RANBP2: variants seen among roughly 807,000 people sequenced by gnomAD.
RANBP2 encodes the protein RAN binding protein 2, also known as E3 SUMO-protein ligase RanBP2.
In RANBP2, 57 loss-of-function variants were observed where a neutral mutation model predicts 303.6. The ratio of observed to expected loss-of-function variants is 0.19; its 90% confidence interval spans 0.15 to 0.23. The LOEUF (loss-of-function observed/expected upper bound fraction) is 0.23, where lower values mean the gene tolerates loss of function less well. Ranked by LOEUF, RANBP2 falls within the 10% of genes least tolerant of loss-of-function variation. RANBP2 has a pLI of 1.00. For synonymous variants in RANBP2, 1,167 were observed against 1,301.5 expected, an observed-to-expected ratio of 0.90 and a Z score of 2.23; for missense variants, 3,138 against 3,780.8, an observed-to-expected ratio of 0.83 and a Z score of 4.46.
chr2:109,099,761 T>G, the RANBP2 span, among the ~76,000 whole-genome samples: 1 of 152,142 alleles, frequency 6.6e-6, no homozygotes, highest in Admixed American at 6.5e-5. Flanking sequence ...TTTGCATACT[T>G]TTTCTTTTCT....
At chr2:109,499,134 C>T in the RANBP2 span, among the ~76,000 whole-genome samples, 10 of 152,230 alleles carry the variant, frequency 6.6e-5, no homozygotes, top group African/African-American at 9.6e-5. Flanking sequence ...AGTGGGCAGC[C>T]GCCAGGACCA....
At chr2:109,360,054 T>G in the RANBP2 span, among the ~76,000 whole-genome samples, 1 of 134,954 alleles carries the variant, frequency 7.4e-6, no homozygotes, top group South Asian at 2.6e-4. Flanking sequence ...TTCTGATGTT[T>G]CCTTGCACCA....
At chr2:108,897,316 A>C in the RANBP2 span, 1 of 1,328,868 alleles carries the variant, frequency 7.5e-7, no homozygotes, top group South Asian at 1.4e-5. Context: ...TGAAATAAAA[A>C]TTATTTGAAA....
the RANBP2 span, among the ~76,000 whole-genome samples, chr2:109,006,314 CT>C: frequency 6.6e-6 from 1 of 152,274 alleles, no homozygotes; most frequent in South Asian, 2.1e-4. Context: ...CTGCCTCAGC[CT>C]CCCAAGTAGC....
At chr2:109,285,565 G>A in the RANBP2 span, among the ~76,000 whole-genome samples, 4 of 152,160 alleles carry the variant, frequency 2.6e-5, no homozygotes, top group Non-Finnish European at 4.4e-5. Context: ...CAGAGGCTGA[G>A]GTGGTGCGTC....
At chr2:109,292,439 T>C in the RANBP2 span, among the ~76,000 whole-genome samples, 48 of 152,356 alleles carry the variant, frequency 3.2e-4, no homozygotes, top group Non-Finnish European at 5.7e-4. Flanking sequence ...TACACTAAAA[T>C]GTTCTCAAAA....
the RANBP2 span, among the ~76,000 whole-genome samples, chr2:109,433,130 G>GGA: frequency 4.6e-5 from 7 of 152,268 alleles, no homozygotes; most frequent in African/African-American, 1.7e-4. Context: ...TATGCATACT[G>GGA]TAAGCACAAG....
chr2:109,309,920 T>C, the RANBP2 span, among the ~76,000 whole-genome samples: 1 of 121,846 alleles, frequency 8.2e-6, no homozygotes, highest in African/African-American at 4.2e-5. Context: ...CTGTCAACAT[T>C]AGACAGATCA....
At chr2:109,022,520 A>G in the RANBP2 span, among the ~76,000 whole-genome samples, 1 of 152,230 alleles carries the variant, frequency 6.6e-6, no homozygotes, top group Non-Finnish European at 1.5e-5. Flanking sequence ...CAAACACTGC[A>G]TTTCTCAATT....
the RANBP2 span, among the ~76,000 whole-genome samples, chr2:108,848,299 GCTCT>G: frequency 4.6e-5 from 7 of 152,140 alleles, no homozygotes; most frequent in African/African-American, 1.7e-4. Context: ...GGAATTAGGT[GCTCT>G]CTGTCACCAC....
chr2:109,475,472 T>C, the RANBP2 span, among the ~76,000 whole-genome samples: 1 of 152,176 alleles, frequency 6.6e-6, no homozygotes. Flanking sequence ...GAGGAATGGG[T>C]CGAGAGGCAG....
the RANBP2 span, among the ~76,000 whole-genome samples, chr2:108,951,672 A>G: frequency 6.6e-6 from 1 of 152,060 alleles, no homozygotes; most frequent in Non-Finnish European, 1.5e-5. Flanking sequence ...AAAGCCTGCA[A>G]TTTCTTTAAC....
intron 6 of RANBP2, among the ~76,000 whole-genome samples, chr2:108,737,561 T>C (rs1573722047): frequency 6.7e-6 from 1 of 148,954 alleles, no homozygotes; most frequent in Non-Finnish European, 1.5e-5. Context: ...CTTTTTTTTT[T>C]TTTTTTTTGA....
At chr2:108,723,933 G>T (rs1163558735) in intron 1 of RANBP2, among the ~76,000 whole-genome samples, 2 of 152,064 alleles carry the variant, frequency 1.3e-5, no homozygotes, top group African/African-American at 2.4e-5. Flanking sequence ...TGTCTACCTG[G>T]AATACCCTTA....
chr2:109,368,052 A>G, the RANBP2 span, among the ~76,000 whole-genome samples: 1 of 152,246 alleles, frequency 6.6e-6, no homozygotes, highest in East Asian at 1.9e-4. Context: ...AATATTAGCC[A>G]GGTATGCCAT....
chr2:109,687,568 A>G, the RANBP2 span, among the ~76,000 whole-genome samples: 1 of 152,058 alleles, frequency 6.6e-6, no homozygotes, highest in Non-Finnish European at 1.5e-5. Flanking sequence ...CAGCTGTGGG[A>G]AACCTGGCTC....
At chr2:109,794,614 G>GGGCGGCGGCGGCGGCGGCGGC in the RANBP2 span, 1 of 72,260 alleles carries the variant, frequency 1.4e-5, no homozygotes, top group African/African-American at 1.1e-4. Context: ...GCGGCGGGGG[G>GGGCGGCGGCGGCGGCGGCGGC]GGCGGCGGCG....
chr2:108,865,571 A>G, the RANBP2 span, among the ~76,000 whole-genome samples: 2 of 152,348 alleles, frequency 1.3e-5, no homozygotes, highest in South Asian at 4.1e-4. Context: ...CAGCCCTGAC[A>G]GAAATTCTGG....
the RANBP2 span, among the ~76,000 whole-genome samples, chr2:109,634,746 A>C: frequency 6.6e-6 from 1 of 152,262 alleles, no homozygotes; most frequent in Non-Finnish European, 1.5e-5. Flanking sequence ...AAAAAGTAAG[A>C]GAGAACTAAC....
Sources: gnomAD v4.1 joint callset for allele counts (sites outside exome capture counted in the v4.1 genomes callset) on GRCh38, gnomAD v4.1.1 for gene constraint, MANE v1.5 for transcripts, NCBI Gene and HGNC (gene_info 2026-07-23, HGNC 2026-07-21) for gene names.